WWC2: variants seen among roughly 807,000 people sequenced by gnomAD.
WWC2 encodes WW and C2 domain containing 2.
WWC2 carries 101 observed loss-of-function variants against 138.5 expected under a neutral mutation model. The ratio of observed to expected loss-of-function variants is 0.73; its 90% CI spans 0.62 to 0.86. WWC2 has a LOEUF of 0.86. Among genes scored for constraint, WWC2 ranks in the 40% least tolerant of loss-of-function variants. The pLI, the probability that WWC2 is intolerant of heterozygous loss-of-function variation, is 0.00. For missense variants in WWC2, 1,420 were observed against 1,419.4 expected (o/e 1.00, Z -0.01); for synonymous variants, 558 against 538.4 (o/e 1.04, Z -0.50).
At chr4:183,272,211 C>G (rs17291637) in intron 16 of WWC2, among the ~76,000 whole-genome samples, 11,944 of 152,198 alleles carry the variant, frequency 0.078, 673 homozygotes, top group Non-Finnish European at 0.12. Context: ...TATGGATCAT[C>G]TACTGTGTGT....
intron 18 of WWC2, among the ~76,000 whole-genome samples, chr4:183,283,794 T>C (rs1738158270): frequency 6.6e-6 from 1 of 152,250 alleles, no homozygotes; most frequent in Non-Finnish European, 1.5e-5. Flanking sequence ...CATTTTCTTA[T>C]ATTTAATTAT....
chr4:183,245,361 T>G (rs569826348), intron 5 of WWC2, 55 bp from the exon 6 acceptor site: 2 of 1,407,820 alleles, frequency 1.4e-6, no homozygotes, highest in East Asian at 5.7e-5. Context: ...ACTCTCTGTT[T>G]AACTTATATG....
chr4:183,127,841 A>G (rs944570907), intron 1 of WWC2, among the ~76,000 whole-genome samples: 2 of 152,166 alleles, frequency 1.3e-5, no homozygotes, highest in Admixed American at 6.5e-5. Flanking sequence ...CAAAGGGCCA[A>G]CTGTCCTAAT....
Position 183,107,484 on chromosome 4 carries a change from G to A in WWC2, c.131+7862G>A, listed in dbSNP as rs539095278. Among the ~76,000 whole-genome samples, 6 of 152,166 alleles carry A rather than the reference G, an allele frequency of 3.9e-5. 1 individual carries two copies. The highest frequency in any genetic ancestry group is 1.4e-4 in the African/African-American group (6 of 41,512). The stretch of plus-strand genomic sequence containing the variant: ...TTTTTTTTAAAAAGTTATTTTAGTG[G>A]GTGTGAGGTAGGATCTTACTGTGGT... On this transcript the variant is annotated intron_variant, in intron 1 of 22. Coordinates refer to ENST00000403733, the MANE Select transcript of WWC2 (RefSeq NM_024949.6).
intron 9 of WWC2, among the ~76,000 whole-genome samples, chr4:183,255,186 C>T (rs970658289): frequency 6.6e-6 from 1 of 152,182 alleles, no homozygotes; most frequent in African/African-American, 2.4e-5. Flanking sequence ...TAATAATTCT[C>T]ATCTTTGCCT....
chr4:183,164,794 A>C (rs1734086484), intron 1 of WWC2, among the ~76,000 whole-genome samples: 1 of 152,062 alleles, frequency 6.6e-6, no homozygotes, highest in Non-Finnish European at 1.5e-5. Flanking sequence ...GACCAGGCAA[A>C]TTATAGTTGT....
intron 1 of WWC2, among the ~76,000 whole-genome samples, chr4:183,122,914 G>A (rs1413250009): frequency 6.6e-6 from 1 of 152,144 alleles, no homozygotes; most frequent in Non-Finnish European, 1.5e-5. Flanking sequence ...ATGAATATAT[G>A]GAAAGATCTC....
intron 4 of WWC2, among the ~76,000 whole-genome samples, chr4:183,215,445 C>T (rs1341201898): frequency 9.5e-5 from 14 of 146,948 alleles, no homozygotes; most frequent in Admixed American, 9.4e-4. Context: ...CTTACATTCG[C>T]AAGAAAAAAA....
At chr4:183,196,709 G>A (rs1735153137) in intron 2 of WWC2, among the ~76,000 whole-genome samples, 1 of 152,106 alleles carries the variant, frequency 6.6e-6, no homozygotes, top group African/African-American at 2.4e-5. Flanking sequence ...GCCTTTCTTT[G>A]CATCTGTAGA....
chr4:183,187,556 A>ATAATAATAATAATAC (rs1734845571), intron 1 of WWC2, among the ~76,000 whole-genome samples: 2 of 137,574 alleles, frequency 1.5e-5, no homozygotes, highest in South Asian at 4.7e-4. Flanking sequence ...CCGTCTCAAA[A>ATAATAATAATAATAC]TAATAATAAT....
chr4:183,179,726 G>C (rs1263333882), intron 1 of WWC2, among the ~76,000 whole-genome samples: 2 of 152,080 alleles, frequency 1.3e-5, no homozygotes, highest in African/African-American at 4.8e-5. Context: ...TGAGTTGTTT[G>C]ATGTGGCCAT....
intron 22 of WWC2, among the ~76,000 whole-genome samples, chr4:183,313,425 G>A (rs1739330217): frequency 1.3e-5 from 2 of 151,068 alleles, no homozygotes; most frequent in African/African-American, 2.4e-5. Context: ...GGAGGTTTGT[G>A]GGGGGCAGTG....
At position 183,104,851 on chromosome 4, in the gene WWC2, A is replaced by C. The variant is rs539089369; in HGVS notation, c.131+5229A>C. Among the ~76,000 whole-genome samples the C allele has an allele frequency of 1.6e-4, 25 of 152,352 alleles. 1 individual carries two copies. The South Asian group carries it at 5.2e-3, about 32-fold the overall frequency. On this transcript the variant is annotated intron_variant, in intron 1 of 22. Coordinates refer to ENST00000403733, the MANE Select transcript of WWC2 (RefSeq NM_024949.6). ...GTGACATTAATAGTCCATAGCTTGC[A>C]GTGTAATTTTGTTGGAAGACTCAGG...
At chr4:183,270,562 G>A (rs564686524) in intron 15 of WWC2, among the ~76,000 whole-genome samples, 17 of 152,100 alleles carry the variant, frequency 1.1e-4, no homozygotes, top group African/African-American at 2.9e-4. Context: ...TCAGGAGTTC[G>A]AGACCAGCCT....
At chr4:183,242,268 T>G (rs937755108) in intron 5 of WWC2, among the ~76,000 whole-genome samples, 6 of 152,242 alleles carry the variant, frequency 3.9e-5, no homozygotes, top group African/African-American at 1.4e-4. Context: ...ATAAAGGGAC[T>G]TATATTTGTG....
intron 5 of WWC2, among the ~76,000 whole-genome samples, chr4:183,241,094 T>G (rs73870385): frequency 0.076 from 11,623 of 151,990 alleles, 1,488 homozygotes; most frequent in African/African-American, 0.27. Context: ...CGGAGAGGAG[T>G]TAAAACTTCC....
At chr4:183,188,632 CTT>C (rs1029342989) in intron 1 of WWC2, among the ~76,000 whole-genome samples, 19 of 145,814 alleles carry the variant, frequency 1.3e-4, no homozygotes, top group African/African-American at 2.3e-4. Flanking sequence ...CTCTCTCTCT[CTT>C]GCTCCTTTCT....
intron 1 of WWC2, among the ~76,000 whole-genome samples, chr4:183,176,984 C>T (rs1437331660): frequency 6.6e-6 from 1 of 152,076 alleles, no homozygotes; most frequent in East Asian, 1.9e-4. Flanking sequence ...TGGTGGTCAC[C>T]AGAAGATAGG....
chr4:183,197,235 T>C lies in WWC2; in HGVS notation c.241+3527T>C, dbSNP rs978135662. 2.0e-5 allele frequency among the ~76,000 whole-genome samples: 3 copies of C among 152,220 alleles called. No individual in the cohort carries two copies. The South Asian group carries it at 6.2e-4, about 32-fold the overall frequency. ...GTCTGCTATTTTGCTGTAATGGTAATGGTATTCTGGTGATCTGTTGTACCC... is the reference window on the plus strand; with the variant it reads ...GTCTGCTATTTTGCTGTAATGGTAACGGTATTCTGGTGATCTGTTGTACCC... On this transcript the variant is annotated intron_variant, in intron 2 of 22. Transcript: ENST00000403733.
Sources: gnomAD v4.1 joint callset for allele counts (sites outside exome capture counted in the v4.1 genomes callset) on GRCh38, gnomAD v4.1.1 for gene constraint, MANE v1.5 for transcripts, NCBI Gene and HGNC (gene_info 2026-07-23, HGNC 2026-07-21) for gene names.